The following CHM variants were observed in gnomAD, a reference collection of about 807,000 sequenced individuals.
The protein encoded by CHM is rab proteins geranylgeranyltransferase component A 1.
A neutral mutation model predicts 49.0 loss-of-function variants in CHM; 10 were observed. That is an observed-to-expected ratio of 0.20 (90% confidence interval 0.13 to 0.35). The LOEUF is 0.35. Among genes scored for constraint, CHM ranks in the 10% least tolerant of loss-of-function variants. CHM has a pLI of 1.00. For missense variants in CHM, 455 were observed against 478.4 expected (o/e 0.95, Z 0.46); for synonymous variants, 184 against 167.5 (o/e 1.10, Z -0.76).
chrX:86,043,580 A>AT (rs1239001827), intron 1 of CHM, among the ~76,000 whole-genome samples: 1 of 108,902 alleles, frequency 9.2e-6, no homozygotes, highest in African/African-American at 3.4e-5. Flanking sequence ...TAATTTTTGT[A>AT]TTTTTTTTGT....
chrX:85,918,356 C>T (rs952502142), intron 8 of CHM, among the ~76,000 whole-genome samples: 2 of 111,698 alleles, frequency 1.8e-5, no homozygotes, highest in African/African-American at 3.3e-5. Flanking sequence ...CAAGCAAATG[C>T]TAAGGGAATT....
intron 7 of CHM, 110 bp downstream of exon 7, chrX:85,957,745 T>C (rs987090451): frequency 6.2e-6 from 6 of 962,332 alleles, no homozygotes; most frequent in Non-Finnish European, 8.5e-6. Flanking sequence ...TAGTGCAGAG[T>C]TAGAATGCAT....
At chrX:85,957,747 A>G in intron 7 of CHM, 108 bp downstream of exon 7, 1 of 976,356 alleles carries the variant, frequency 1.0e-6, no homozygotes, top group East Asian at 3.2e-5. Context: ...GTGCAGAGTT[A>G]GAATGCATTT....
chrX:85,913,387 A>AG (rs1423384262), intron 8 of CHM, among the ~76,000 whole-genome samples: 146 of 104,373 alleles, frequency 1.4e-3, no homozygotes, highest in African/African-American at 4.1e-3. Context: ...AAAGAAAGAA[A>AG]AAAGGAAAAG....
intron 1 of CHM, among the ~76,000 whole-genome samples, chrX:86,030,093 G>T (rs181711979): frequency 8.9e-6 from 1 of 112,211 alleles, no homozygotes; most frequent in African/African-American, 3.2e-5. Context: ...AGGGTAGGCA[G>T]TTATACACGT....
chrX:85,992,472 G>C (rs1932245129), intron 2 of CHM, among the ~76,000 whole-genome samples: 1 of 111,532 alleles, frequency 9.0e-6, no homozygotes, highest in Admixed American at 9.6e-5. Flanking sequence ...TTTAAATTTG[G>C]TTGAAGTACT....
chrX:85,956,777 T>G (rs1277592907), intron 7 of CHM, among the ~76,000 whole-genome samples: 3 of 111,561 alleles, frequency 2.7e-5, no homozygotes, highest in Non-Finnish European at 3.8e-5. Context: ...ATGATAAATA[T>G]GTGAGTTTTG....
chrX:85,963,632 T>G (rs750498465), intron 5 of CHM, 33 bp downstream of exon 5: 1 of 1,170,010 alleles, frequency 8.5e-7, no homozygotes, highest in Non-Finnish European at 1.2e-6. Flanking sequence ...AGATACTGTT[T>G]TCAATGCAAA....
chrX:85,917,860 A>C (rs1163318442), intron 8 of CHM, among the ~76,000 whole-genome samples: 1 of 111,393 alleles, frequency 9.0e-6, no homozygotes, highest in Non-Finnish European at 1.9e-5. Flanking sequence ...CACAGACAAA[A>C]TTTTTTAAAA....
At chrX:85,963,177 T>G (rs1930383738) in intron 5 of CHM, among the ~76,000 whole-genome samples, 1 of 111,467 alleles carries the variant, frequency 9.0e-6, no homozygotes, top group Non-Finnish European at 1.9e-5. Context: ...ATCCCTTCCC[T>G]AACCCCCAAC....
At chrX:86,000,012 T>G (rs775983242) in intron 2 of CHM, among the ~76,000 whole-genome samples, 1 of 111,365 alleles carries the variant, frequency 9.0e-6, no homozygotes, top group African/African-American at 3.3e-5. Context: ...ATGCAAACAA[T>G]AGCAAAAGAT....
chrX:85,998,577 T>A (rs145425658), intron 2 of CHM, among the ~76,000 whole-genome samples: 1 of 111,870 alleles, frequency 8.9e-6, no homozygotes, highest in African/African-American at 3.2e-5. Context: ...CATGTAAGCA[T>A]ACCTTACGTT....
intron 4 of CHM, among the ~76,000 whole-genome samples, chrX:85,971,836 A>G (rs779113894): frequency 1.8e-5 from 2 of 111,375 alleles, no homozygotes; most frequent in South Asian, 7.8e-4. Context: ...TTAGTTAGAT[A>G]CAGAGTATAG....
At chrX:85,976,608 A>G (rs1931274442) in intron 4 of CHM, among the ~76,000 whole-genome samples, 1 of 107,466 alleles carries the variant, frequency 9.3e-6, no homozygotes, top group South Asian at 4.3e-4. Context: ...TGGGTAGCAG[A>G]GTGAGACTCC....
intron 12 of CHM, among the ~76,000 whole-genome samples, chrX:85,884,026 T>A (rs2148131719): frequency 9.0e-6 from 1 of 111,162 alleles, no homozygotes; most frequent in East Asian, 2.8e-4. Context: ...CAAATGACTT[T>A]AAAAGAAAGT....
chrX:85,961,352 G>A (rs770514696), intron 5 of CHM, among the ~76,000 whole-genome samples: 4 of 103,880 alleles, frequency 3.9e-5, no homozygotes, highest in Admixed American at 2.1e-4. Context: ...CCCAGGAGAC[G>A]GAGGTTGCAG....
At chrX:85,879,211 C>A in intron 12 of CHM, 148 bp from the exon 13 acceptor site, 1 of 438,829 alleles carries the variant, frequency 2.3e-6, no homozygotes, top group East Asian at 4.0e-5. Context: ...AGGAAGTACC[C>A]AACAAGTACC....
At chrX:85,877,444 G>C (rs767578267) in intron 13 of CHM, among the ~76,000 whole-genome samples, 63 of 111,610 alleles carry the variant, frequency 5.6e-4, no homozygotes, top group Non-Finnish European at 1.0e-3. Context: ...CAGAGGCTAG[G>C]ATGGGTAATG....
At chrX:85,956,628 A>G (rs1404016896) in intron 7 of CHM, among the ~76,000 whole-genome samples, 1 of 111,740 alleles carries the variant, frequency 8.9e-6, no homozygotes, top group Non-Finnish European at 1.9e-5. Flanking sequence ...AAAAAAAACT[A>G]GAAAATATTA....
Sources: gnomAD v4.1 joint callset for allele counts (sites outside exome capture counted in the v4.1 genomes callset) on GRCh38, gnomAD v4.1.1 for gene constraint, MANE v1.5 for transcripts, NCBI Gene and HGNC (gene_info 2026-07-23, HGNC 2026-07-21) for gene names.